The following SNTG2 variants were observed in gnomAD, a reference collection of about 807,000 sequenced individuals.
SNTG2 encodes gamma-2-syntrophin.
A neutral mutation model predicts 70.9 loss-of-function variants in SNTG2; 74 were observed. The ratio of observed to expected loss-of-function variants is 1.04; its 90% CI spans 0.86 to 1.27. The LOEUF is 1.27. Among genes scored for constraint, SNTG2 ranks in the 50% most tolerant of loss-of-function variants. SNTG2 has a pLI of 0.00. For synonymous variants in SNTG2, 278 were observed against 273.8 expected (o/e 1.02, Z -0.15); for missense variants, 717 against 690.7 (o/e 1.04, Z -0.43).
At chr2:1,063,158 G>C (rs1662933263) in intron 1 of SNTG2, among the ~76,000 whole-genome samples, 1 of 152,130 alleles carries the variant, frequency 6.6e-6, no homozygotes, top group Non-Finnish European at 1.5e-5. Context: ...CTATGCAAGA[G>C]CTTTCTAAAA....
Position 1,364,262 on chromosome 2 carries a change from G to A in SNTG2, c.1489-3081G>A, listed in dbSNP as rs550577664. On this transcript the variant is annotated intron_variant, in intron 16 of 16. Transcript: ENST00000308624. ...CTCCCAAAGTGCTGGGATTACAGGC[G>A]TGATCCACCATACCCAGCCATTGCT... Among the ~76,000 whole-genome samples the A allele has an allele frequency of 1.0e-3, 158 of 151,904 alleles. 1 individual carries two copies. The highest frequency in any genetic ancestry group is 3.1e-4 in the African/African-American group (13 of 41,414).
intron 15 of SNTG2, among the ~76,000 whole-genome samples, chr2:1,309,243 C>T (rs2148249450): frequency 6.6e-6 from 1 of 152,316 alleles, no homozygotes; most frequent in East Asian, 1.9e-4. Context: ...TCGGGCTGCA[C>T]CCCCTTTACA....
intron 2 of SNTG2, among the ~76,000 whole-genome samples, chr2:1,087,481 C>A (rs1399031957): frequency 2.0e-5 from 3 of 152,194 alleles, no homozygotes; most frequent in Non-Finnish European, 2.9e-5. Flanking sequence ...TCTGCTGATG[C>A]TGCAGTATGT....
At chr2:1,302,962 A>G (rs1680522164) in intron 14 of SNTG2, among the ~76,000 whole-genome samples, 1 of 152,204 alleles carries the variant, frequency 6.6e-6, no homozygotes, top group Admixed American at 6.5e-5. Flanking sequence ...GTGAGTATTC[A>G]CAAAACAACG....
At chr2:1,091,037 G>A (rs1336971687) in intron 2 of SNTG2, among the ~76,000 whole-genome samples, 2 of 152,142 alleles carry the variant, frequency 1.3e-5, no homozygotes, top group African/African-American at 2.4e-5. Context: ...GTCGCCTGAC[G>A]TTCTGGGGCT....
intron 4 of SNTG2, among the ~76,000 whole-genome samples, chr2:1,126,622 C>T (rs1394326109): frequency 6.6e-6 from 1 of 152,084 alleles, no homozygotes; most frequent in African/African-American, 2.4e-5. Flanking sequence ...TCCTCTGCAC[C>T]CTCACCAACA....
intron 1 of SNTG2, among the ~76,000 whole-genome samples, chr2:1,076,983 A>G (rs1400754583): frequency 6.6e-6 from 1 of 152,264 alleles, no homozygotes; most frequent in Admixed American, 6.5e-5. Context: ...GTAATTCTTA[A>G]TATATTAGTT....
chr2:1,247,526 T>C, intron 12 of SNTG2, 83 bp downstream of exon 12: 1 of 963,284 alleles, frequency 1.0e-6, no homozygotes, highest in East Asian at 2.5e-5. Context: ...ATCTGGTGTT[T>C]GGAGGAGGAC....
At chr2:1,116,360 TACTC>T (rs1434908796) in intron 4 of SNTG2, among the ~76,000 whole-genome samples, 1 of 152,196 alleles carries the variant, frequency 6.6e-6, no homozygotes, top group African/African-American at 2.4e-5. Context: ...CAGCTCCAGT[TACTC>T]AGGCAAGGCT....
intron 9 of SNTG2, among the ~76,000 whole-genome samples, chr2:1,218,562 G>A (rs1466315659): frequency 1.3e-5 from 2 of 152,232 alleles, no homozygotes; most frequent in African/African-American, 2.4e-5. Context: ...CCCATAGCAT[G>A]TGTGTTTCAG....
intron 4 of SNTG2, among the ~76,000 whole-genome samples, chr2:1,135,400 T>C (rs1383770961): frequency 6.6e-6 from 1 of 152,204 alleles, no homozygotes; most frequent in Non-Finnish European, 1.5e-5. Context: ...ATTTACTGTG[T>C]GATTACCATA....
intron 1 of SNTG2, among the ~76,000 whole-genome samples, chr2:1,009,509 G>A (rs1221555294): frequency 7.7e-6 from 1 of 130,358 alleles, no homozygotes; most frequent in African/African-American, 3.0e-5. Flanking sequence ...CTGGTGGGTC[G>A]TGTGTATGGC....
intron 16 of SNTG2, among the ~76,000 whole-genome samples, chr2:1,327,077 T>A (rs1681793435): frequency 6.6e-6 from 1 of 152,134 alleles, no homozygotes; most frequent in Non-Finnish European, 1.5e-5. Context: ...GAATTGTTTC[T>A]CCTCTTATCT....
intron 6 of SNTG2, among the ~76,000 whole-genome samples, chr2:1,149,815 G>A (rs1458330682): frequency 6.6e-6 from 1 of 151,744 alleles, no homozygotes; most frequent in African/African-American, 2.4e-5. Context: ...AGGCTCCCGA[G>A]TAGCTGGGAC....
Position 1,041,255 on chromosome 2 carries a change from G to A in SNTG2, c.73-42263G>A, listed in dbSNP as rs147999534. ...TTGGATTTGTCAGCCTTTACCACGTGGTGTTTGCTTTTTCTGCCTGCAAGG... is the reference window on the plus strand; with the variant it reads ...TTGGATTTGTCAGCCTTTACCACGTAGTGTTTGCTTTTTCTGCCTGCAAGG... On this transcript the variant is annotated intron_variant, in intron 1 of 16. Transcript: ENST00000308624. Among the ~76,000 whole-genome samples, 554 of 152,254 alleles carry A rather than the reference G, an allele frequency of 3.6e-3. 1 individual carries two copies. The highest frequency in any genetic ancestry group is 4.8e-3 in the Admixed American group (74 of 15,288).
intron 1 of SNTG2, among the ~76,000 whole-genome samples, chr2:1,082,436 GC>G (rs1196511478): frequency 6.6e-6 from 1 of 152,178 alleles, no homozygotes; most frequent in Non-Finnish European, 1.5e-5. Context: ...GTCCTATGTG[GC>G]CACAGCCTCA....
At chr2:1,167,200 G>A (rs1028514432) in intron 7 of SNTG2, among the ~76,000 whole-genome samples, 10 of 150,538 alleles carry the variant, frequency 6.6e-5, no homozygotes, top group East Asian at 2.0e-4. Flanking sequence ...CCTACAGGCC[G>A]CCCACAGATG....
At chr2:1,052,206 A>G (rs1662117103) in intron 1 of SNTG2, among the ~76,000 whole-genome samples, 1 of 152,168 alleles carries the variant, frequency 6.6e-6, no homozygotes, top group South Asian at 2.1e-4. Flanking sequence ...TATAGTATCC[A>G]TGTTATTTAT....
At chr2:1,324,745 G>A (rs1681692488) in intron 16 of SNTG2, among the ~76,000 whole-genome samples, 1 of 152,134 alleles carries the variant, frequency 6.6e-6, no homozygotes. Context: ...TGTTAGGCCT[G>A]GTTATTTGCA....
Sources: gnomAD v4.1 joint callset for allele counts (sites outside exome capture counted in the v4.1 genomes callset) on GRCh38, gnomAD v4.1.1 for gene constraint, MANE v1.5 for transcripts, NCBI Gene and HGNC (gene_info 2026-07-23, HGNC 2026-07-21) for gene names.